PCDHGB2: variants seen among roughly 807,000 people sequenced by gnomAD.
The protein encoded by PCDHGB2 is protocadherin gamma subfamily B, 2.
PCDHGB2 carries 55 observed loss-of-function variants against 59.3 expected under a neutral mutation model. The observed-to-expected ratio is 0.93, with a 90% confidence interval of 0.75 to 1.16. PCDHGB2 has a LOEUF of 1.16. PCDHGB2 is among the 50% of genes most tolerant of loss of function. The pLI is 0.00. For missense variants in PCDHGB2, 1,228 were observed against 1,198.5 expected, an observed-to-expected ratio of 1.02 and a Z score of -0.36; for synonymous variants, 516 against 512.0, an observed-to-expected ratio of 1.01 and a Z score of -0.11.
At chr5:141,409,772 C>T (rs2095314133) in intron 1 of PCDHGB2, 1 of 1,612,736 alleles carries the variant, frequency 6.2e-7, no homozygotes, top group Non-Finnish European at 8.5e-7. Flanking sequence ...TGATCACGAG[C>T]AGCTGCGCGC....
chr5:141,491,528 C>T lies in PCDHGB2; in HGVS notation c.2422-3279C>T, dbSNP rs745806026. ...GGCACGCTCAAGTACATGGAGGTGACGCTGCGGCCCACAGACTCGCAGAGC... is the reference window on the plus strand; with the variant it reads ...GGCACGCTCAAGTACATGGAGGTGATGCTGCGGCCCACAGACTCGCAGAGC... On this transcript the variant is annotated intron_variant, in intron 1 of 3. Coordinates refer to ENST00000522605, the MANE Select transcript of PCDHGB2 (RefSeq NM_018923.3). The surrounding 1 kb of genome is among the most constrained non-coding windows in gnomAD (Gnocchi z 6.9). 4 of 1,613,950 alleles carry T rather than the reference C, an allele frequency of 2.5e-6. No individual in the cohort carries two copies. Among genetic ancestry groups the T allele is most frequent in the South Asian group, 1.1e-5 (1 of 91,092 alleles).
chr5:141,489,363 G>T lies in PCDHGB2; in HGVS notation c.2422-5444G>T, dbSNP rs767837736. 20 of 1,613,114 alleles carry T rather than the reference G, an allele frequency of 1.2e-5. No homozygotes were observed. Among genetic ancestry groups the T allele is most frequent in the Non-Finnish European group, 1.7e-5 (20 of 1,179,354 alleles). ...ACTCAGTGGTGGAGGAGTCTGAGCCGGGGACGCTGGTGGGGAATGTTGCTC... is the reference window on the plus strand; with the variant it reads ...ACTCAGTGGTGGAGGAGTCTGAGCCTGGGACGCTGGTGGGGAATGTTGCTC... On this transcript the variant is annotated intron_variant, in intron 1 of 3. Transcript: ENST00000522605. The surrounding 1 kb of genome is among the most constrained non-coding windows in gnomAD (Gnocchi z 4.5).
chr5:141,404,195 G>A (rs1472875979), intron 1 of PCDHGB2: 1 of 1,613,400 alleles, frequency 6.2e-7, no homozygotes, highest in East Asian at 2.2e-5. Context: ...CCGAGAAAAA[G>A]CCTCAGAATA....
In PCDHGB2 at chr5:141,422,884, G is replaced by C. The variant is rs202035589; in HGVS notation, c.2421+60328G>C. On this transcript the variant is annotated intron_variant, in intron 1 of 3. Transcript: ENST00000522605. ...CAGCAACGTGTCGCTGAGCCTGTTC[G>C]TGCTGGACCAGAACGACAATGCGCC... The C allele has an allele frequency of 1.7e-4, 278 of 1,614,240 alleles. No homozygotes were observed. The African/African-American group carries it at 2.0e-3, about 12-fold the overall frequency.
rs781198519 is a variant in PCDHGB2 at position 141,432,162 on chromosome 5, G to A, written c.2422-62645G>A. ...TATATCCCAGAGAACAATCCCAGAG[G>A]AGTTTCCCTCGTCTCTGTGACCGCC... On this transcript the variant is annotated intron_variant, in intron 1 of 3. Coordinates refer to ENST00000522605, the MANE Select transcript of PCDHGB2 (RefSeq NM_018923.3). The surrounding 1 kb of genome is among the most constrained non-coding windows in gnomAD (Gnocchi z 6.0). 1 of 1,614,070 alleles carries A rather than the reference G, an allele frequency of 6.2e-7. No homozygotes were observed. The highest frequency in any genetic ancestry group is 8.5e-7 in the Non-Finnish European group (1 of 1,180,030).
At chr5:141,376,247 T>G in intron 1 of PCDHGB2, 1 of 1,614,192 alleles carries the variant, frequency 6.2e-7, no homozygotes, top group Non-Finnish European at 8.5e-7. Flanking sequence ...CTGGCACAAG[T>G]CACGCCTGCT....
At position 141,487,074 on chromosome 5, in the gene PCDHGB2, T is replaced by C; in HGVS notation, c.2422-7733T>C. The C allele has an allele frequency of 6.2e-7, 1 of 1,614,104 alleles. No homozygotes were observed. The highest frequency in any genetic ancestry group is 8.5e-7 in the Non-Finnish European group (1 of 1,179,978). Reference sequence around the variant, plus strand: ...GGGGAGGTGCGGACGGCTGTTCCTATCCCAGCTGACCTCCCACCACAGAAG... The same window carrying C: ...GGGGAGGTGCGGACGGCTGTTCCTACCCCAGCTGACCTCCCACCACAGAAG... On this transcript the variant is annotated intron_variant, in intron 1 of 3. Transcript: ENST00000522605. The surrounding 1 kb of genome is among the most constrained non-coding windows in gnomAD (Gnocchi z 5.0).
chr5:141,413,135 T>TGTCC (rs767378713), intron 1 of PCDHGB2: 1 of 1,545,632 alleles, frequency 6.5e-7, no homozygotes, highest in Non-Finnish European at 8.7e-7. Context: ...ACACACAACG[T>TGTCC]GTCCAGTGAG....
intron 1 of PCDHGB2, chr5:141,404,040 G>C (rs1373988780): frequency 6.2e-7 from 1 of 1,613,692 alleles, no homozygotes; most frequent in Non-Finnish European, 8.5e-7. Flanking sequence ...GCACCTCAGG[G>C]AACAGTAATT....
At chr5:141,412,216 T>C (rs1247540521) in intron 1 of PCDHGB2, 1 of 152,244 alleles carries the variant, frequency 6.6e-6, no homozygotes, top group East Asian at 1.9e-4. Context: ...ACATAAACAC[T>C]TACTTGTTAA....
In PCDHGB2 at chr5:141,415,732, T is replaced by C. The variant is rs1159160519; in HGVS notation, c.2421+53176T>C. 4 of 1,411,138 alleles carry C rather than the reference T, an allele frequency of 2.8e-6. No individual in the cohort carries two copies. In the South Asian group the frequency reaches 5.0e-5, roughly 18 times the overall value. The allele number at this position is 1,411,138 out of a possible 1,614,324, so 87.4% of individuals were successfully genotyped here. ...AACACTGATGAGTAGAATTTGATGT[T>C]TATTAAGGTTTTTTTTTTTTTTTTT... On this transcript the variant is annotated intron_variant, in intron 1 of 3. Coordinates refer to ENST00000522605, the MANE Select transcript of PCDHGB2 (RefSeq NM_018923.3).
At chr5:141,384,638 G>C in intron 1 of PCDHGB2, 1 of 1,614,188 alleles carries the variant, frequency 6.2e-7, no homozygotes, top group Non-Finnish European at 8.5e-7. Context: ...CTGGCACCCC[G>C]CTCCGCAGAG....
intron 1 of PCDHGB2, among the ~76,000 whole-genome samples, chr5:141,445,447 A>C (rs974383838): frequency 6.6e-6 from 1 of 152,222 alleles, no homozygotes; most frequent in Non-Finnish European, 1.5e-5. Flanking sequence ...TGGACTAAGG[A>C]TGCAGCAATG....
chr5:141,425,348 A>C (rs2096869744), intron 1 of PCDHGB2, among the ~76,000 whole-genome samples: 1 of 152,242 alleles, frequency 6.6e-6, no homozygotes, highest in Non-Finnish European at 1.5e-5. Context: ...GTTGGCTTTG[A>C]AATGTGATAT....
At chr5:141,507,106 A>T (rs1205648425) in intron 3 of PCDHGB2, 1 of 152,118 alleles carries the variant, frequency 6.6e-6, no homozygotes, top group African/African-American at 2.4e-5. Context: ...TACTATAGGG[A>T]CCATGGCTGC....
At chr5:141,508,371 C>T (rs1250979168) in intron 3 of PCDHGB2, 1 of 152,226 alleles carries the variant, frequency 6.6e-6, no homozygotes, top group East Asian at 1.9e-4. Flanking sequence ...CAACTTCTTC[C>T]CCTCAGATTT....
chr5:141,389,157 C>T lies in PCDHGB2; in HGVS notation c.2421+26601C>T, dbSNP rs192156139. The T allele has an allele frequency of 2.5e-6, 4 of 1,613,976 alleles. No homozygotes were observed. The East Asian group carries it at 6.7e-5, about 27-fold the overall frequency. ...CAATATAACCGTTACGGCAACAGAT[C>T]GGGGCAAGCCTCCCCTCTCCTCCAG... is the stretch of plus-strand genomic sequence containing the variant. On this transcript the variant is annotated intron_variant, in intron 1 of 3. Coordinates refer to ENST00000522605, the MANE Select transcript of PCDHGB2 (RefSeq NM_018923.3).
At chr5:141,430,928 C>A in intron 1 of PCDHGB2, 1 of 1,607,098 alleles carries the variant, frequency 6.2e-7, no homozygotes, top group Non-Finnish European at 8.5e-7. Context: ...GCTGGAGCCC[C>A]GGGAGCTCGC....
chr5:141,426,879 G>T, intron 1 of PCDHGB2: 1 of 456,710 alleles, frequency 2.2e-6, no homozygotes. Flanking sequence ...GAAGCCCCTG[G>T]GCCAGGAGCA....
Sources: allele counts gnomAD v4.1 joint callset (sites outside exome capture counted in the v4.1 genomes callset), GRCh38; gene constraint gnomAD v4.1.1; non-coding constraint Gnocchi (gnomAD v3.1); transcripts MANE v1.5; gene names NCBI Gene and HGNC (gene_info 2026-07-23, HGNC 2026-07-21).